Variants in IQCE observed in about 807,000 individuals in gnomAD.
IQCE encodes the protein IQ motif containing E.
IQCE carries 115 observed loss-of-function variants against 96.0 expected under a neutral mutation model. The observed-to-expected ratio is 1.20, with a 90% confidence interval of 1.03 to 1.40. The LOEUF is 1.40. IQCE is among the 40% of genes most tolerant of loss of function. The pLI is 0.00. For synonymous variants in IQCE, 412 were observed against 371.2 expected (o/e 1.11, Z -1.26); for missense variants, 1,041 against 909.1 (o/e 1.15, Z -1.87).
intron 6 of IQCE, 28 bp from the exon 7 acceptor site, chr7:2,578,214 G>A: frequency 6.5e-7 from 1 of 1,539,200 alleles, no homozygotes; most frequent in Non-Finnish European, 9.0e-7. Context: ...TCGTGTGGAT[G>A]GCTGTGCATG....
In IQCE at chr7:2,586,061, G is replaced by C. The variant is rs1783082265; in HGVS notation, c.825-147G>C. ...TTATTTAGAGTTCAAAGTTATTACT[G>C]CCTATTCGATTTCAAATACTCACCT... On this transcript the variant is annotated intron_variant, in intron 11 of 21. Transcript: ENST00000402050. 1.8e-5 allele frequency: 12 copies of C among 660,870 alleles called. No homozygotes were observed. The East Asian group carries it at 3.4e-4, about 18-fold the overall frequency. The allele number at this position is 660,870 out of a possible 1,614,324, so 40.9% of individuals were successfully genotyped here.
chr7:2,604,853 T>C (rs756677629), intron 18 of IQCE, 28 bp from the exon 19 acceptor site: 13 of 1,589,072 alleles, frequency 8.2e-6, no homozygotes, highest in South Asian at 1.1e-5. Context: ...CACACCCACT[T>C]TTCTCTCCCT....
intron 1 of IQCE, among the ~76,000 whole-genome samples, chr7:2,562,274 C>T (rs1006280894): frequency 7.5e-6 from 1 of 133,206 alleles, no homozygotes; most frequent in African/African-American, 3.2e-5. Flanking sequence ...ATACCAGTAC[C>T]AATTAGGGTA....
chr7:2,586,448 C>A, intron 12 of IQCE, 77 bp downstream of exon 12: 1 of 1,439,508 alleles, frequency 6.9e-7, no homozygotes, highest in South Asian at 1.3e-5. Context: ...CTGGGTAGGC[C>A]CAACTGAGGA....
At chr7:2,579,463 A>C (rs572565133) in intron 8 of IQCE, among the ~76,000 whole-genome samples, 2 of 152,320 alleles carry the variant, frequency 1.3e-5, no homozygotes, top group Admixed American at 6.5e-5. Flanking sequence ...AATACAACAA[A>C]GTTTTCTGTT....
chr7:2,563,375 T>TTGTGTGTG lies in IQCE; in HGVS notation c.37-3711_37-3704dup, dbSNP rs143397539. ...TGATGCCCAGCTAATTAATTTTTTG[T>TTGTGTGTG]TGTGTGTGTGTGTGTGTGTGTGTGT... On this transcript the variant is annotated intron_variant, in intron 1 of 21. Transcript: ENST00000402050. 6.0e-3 allele frequency among the ~76,000 whole-genome samples: 821 copies of TTGTGTGTG among 135,786 alleles called. 5 individuals carry two copies. Among genetic ancestry groups the TTGTGTGTG allele is most frequent in the African/African-American group, 0.012 (429 of 34,738 alleles). 89.1% of individuals were successfully genotyped at this position (135,786 alleles called of 152,430 possible). A position where few individuals can be genotyped will look rare whatever the true frequency, so the allele number is the denominator to read the frequency against.
chr7:2,600,312 C>T (rs1447057308), intron 17 of IQCE, among the ~76,000 whole-genome samples: 2 of 152,212 alleles, frequency 1.3e-5, no homozygotes, highest in African/African-American at 2.4e-5. Context: ...CCCATCCCCT[C>T]GGGACGTGGA....
rs193003465 is a variant in IQCE, at chr7:2,567,086, G to A, written c.37-30G>A. The A allele has an allele frequency of 2.1e-5, 34 of 1,606,860 alleles. No individual in the cohort carries two copies. The East Asian group carries it at 4.5e-4, about 21-fold the overall frequency. On this transcript the variant is annotated intron_variant, in intron 1 of 21. Transcript: ENST00000402050. The stretch of plus-strand genomic sequence containing the variant: ...GGTCGGAAGCCCAGCAGGTGCCGTC[G>A]AGTTACAGTGTTTGCCTCTCTTCCT...
rs893374579 is a variant in IQCE, at chr7:2,610,489, G to A, written c.*327G>A. The A allele has an allele frequency of 1.2e-5, 3 of 245,386 alleles. No homozygotes were observed. The highest frequency in any genetic ancestry group is 5.1e-5 in the South Asian group (1 of 19,532). 15.2% of individuals were successfully genotyped at this position (245,386 alleles called of 1,614,324 possible). A position where few individuals can be genotyped will look rare whatever the true frequency, so the allele number is the denominator to read the frequency against. ...ACACGTTCTCTGACAGCACCTTGCC[G>A]CCTGCCCACGACCTTGACCGTGAGG... On this transcript the variant is annotated 3_prime_UTR_variant, in exon 22 of 22. Coordinates refer to ENST00000402050, the MANE Select transcript of IQCE (RefSeq NM_152558.5).
In IQCE at chr7:2,608,228, G is replaced by A. The variant is rs186801248; in HGVS notation, c.1969+1001G>A. The stretch of plus-strand genomic sequence containing the variant: ...GTAAGTGTGGGGGCCCGTGGCGGGC[G>A]GAGGCCTCGCTTTCCTGGGAGATCC... On this transcript the variant is annotated intron_variant, in intron 21 of 21. Transcript: ENST00000402050. Among the ~76,000 whole-genome samples the A allele has an allele frequency of 1.1e-3, 171 of 152,294 alleles. 1 individual carries two copies. The highest frequency in any genetic ancestry group is 2.7e-3 in the Admixed American group (42 of 15,306).
intron 8 of IQCE, among the ~76,000 whole-genome samples, chr7:2,581,152 C>T (rs1295084922): frequency 6.6e-6 from 1 of 151,688 alleles, no homozygotes; most frequent in Non-Finnish European, 1.5e-5. Context: ...CCTGTAACAT[C>T]TTCTTTTTTT....
intron 15 of IQCE, among the ~76,000 whole-genome samples, chr7:2,594,550 G>A (rs1206271172): frequency 6.6e-6 from 1 of 152,252 alleles, no homozygotes; most frequent in African/African-American, 2.4e-5. Flanking sequence ...GTCCGGCCTG[G>A]CCTCCTACTT....
chr7:2,601,716 A>G (rs1784445887), intron 18 of IQCE: 1 of 422,156 alleles, frequency 2.4e-6, no homozygotes, highest in Non-Finnish European at 4.3e-6. Context: ...TGCCCAGCTA[A>G]TTTTTGTATT....
At chr7:2,589,631 C>T (rs757857349) in intron 13 of IQCE, among the ~76,000 whole-genome samples, 13 of 152,166 alleles carry the variant, frequency 8.5e-5, no homozygotes, top group Non-Finnish European at 1.8e-4. Flanking sequence ...CCCCTCCCCT[C>T]GTGCCCTCCT....
At chr7:2,577,783 C>T (rs560649400) in intron 6 of IQCE, among the ~76,000 whole-genome samples, 42 of 128,892 alleles carry the variant, frequency 3.3e-4, no homozygotes, top group African/African-American at 1.2e-3. Flanking sequence ...CTGTGTGCGG[C>T]GTATACGCAT....
rs373370892 is a variant in IQCE at position 2,578,380 on chromosome 7, G to A, written c.579+25G>A. On this transcript the variant is annotated intron_variant, in intron 7 of 21. Coordinates refer to ENST00000402050, the MANE Select transcript of IQCE (RefSeq NM_152558.5). The stretch of plus-strand genomic sequence containing the variant: ...CGTAAGCTCCTGGCGCTTCACGGAC[G>A]GGGCAAGGGGAGGGTCCTCGGGGCA... The A allele has an allele frequency of 3.0e-5, 48 of 1,611,712 alleles. No individual in the cohort carries two copies. In the African/African-American group the frequency reaches 5.5e-4, roughly 18 times the overall value.
intron 4 of IQCE, 33 bp from the exon 5 acceptor site, chr7:2,572,159 C>A (rs1398462724): frequency 2.5e-6 from 4 of 1,587,686 alleles, no homozygotes; most frequent in Non-Finnish European, 3.4e-6. Context: ...GTGCTTGTAT[C>A]TGTCATATTA....
chr7:2,588,535 A>G (rs1260487573), intron 13 of IQCE, among the ~76,000 whole-genome samples: 4 of 147,548 alleles, frequency 2.7e-5, no homozygotes, highest in Non-Finnish European at 4.5e-5. Context: ...TTGTATTTTT[A>G]GTAGAGACGG....
At chr7:2,592,933 G>C (rs1038639863) in intron 14 of IQCE, 89 bp from the exon 15 acceptor site, 2 of 1,411,232 alleles carry the variant, frequency 1.4e-6, no homozygotes, top group East Asian at 2.3e-5. Context: ...AGGAAGGGCT[G>C]AGCACTGTCA....
Sources: gnomAD v4.1 joint callset for allele counts (sites outside exome capture counted in the v4.1 genomes callset) on GRCh38, gnomAD v4.1.1 for gene constraint, MANE v1.5 for transcripts, NCBI Gene and HGNC (gene_info 2026-07-23, HGNC 2026-07-21) for gene names.